Variants in SPAG17 observed in about 807,000 individuals in gnomAD.
SPAG17 encodes the protein sperm-associated antigen 17.
A neutral mutation model predicts 273.6 loss-of-function variants in SPAG17; 169 were observed. The observed-to-expected ratio is 0.62, with a 90% CI of 0.55 to 0.70. The LOEUF is 0.70. SPAG17 is among the 30% of genes least tolerant of loss of function. SPAG17 has a pLI of 0.00. For missense variants in SPAG17, 2,557 were observed against 2,627.8 expected, an observed-to-expected ratio of 0.97 and a Z score of 0.59; for synonymous variants, 825 against 873.2, an observed-to-expected ratio of 0.94 and a Z score of 0.97.
intron 43 of SPAG17, among the ~76,000 whole-genome samples, chr1:117,980,460 G>A (rs140014110): frequency 1.3e-4 from 20 of 152,228 alleles, no homozygotes; most frequent in Middle Eastern, 3.4e-3. Flanking sequence ...TTGCACTCCC[G>A]ACCTCAAGTG....
At chr1:118,181,160 T>C (rs1660921068) in intron 1 of SPAG17, among the ~76,000 whole-genome samples, 1 of 151,876 alleles carries the variant, frequency 6.6e-6, no homozygotes, top group African/African-American at 2.4e-5. Flanking sequence ...TGAAAAGGCA[T>C]TCTAAACATG....
chr1:118,164,163 A>G (rs2102377975), intron 1 of SPAG17, among the ~76,000 whole-genome samples: 1 of 152,296 alleles, frequency 6.6e-6, no homozygotes, highest in East Asian at 1.9e-4. Context: ...AACTACTCCC[A>G]TGCTATTGCC....
At chr1:117,984,576 A>G in intron 41 of SPAG17, 107 bp downstream of exon 41, 3 of 706,482 alleles carry the variant, frequency 4.2e-6, no homozygotes, top group East Asian at 2.8e-5. Flanking sequence ...AGGTCGATGC[A>G]GGAAAGAATT....
chr1:118,101,184 G>A (rs1447121569), intron 5 of SPAG17, among the ~76,000 whole-genome samples: 1 of 152,196 alleles, frequency 6.6e-6, no homozygotes, highest in Non-Finnish European at 1.5e-5. Flanking sequence ...GGAGGCTGAG[G>A]AGGGAGAGTC....
intron 20 of SPAG17, among the ~76,000 whole-genome samples, chr1:118,043,354 TAA>T (rs1649992067): frequency 6.6e-6 from 1 of 152,160 alleles, no homozygotes; most frequent in Non-Finnish European, 1.5e-5. Flanking sequence ...CACATTAACT[TAA>T]AAGAGATTAT....
At chr1:118,115,272 C>G (rs748784049) in intron 4 of SPAG17, 38 bp downstream of exon 4, 2 of 1,607,782 alleles carry the variant, frequency 1.2e-6, no homozygotes, top group Admixed American at 3.4e-5. Flanking sequence ...TCATTCACCA[C>G]TTGCCCTCTT....
Position 118,101,930 on chromosome 1 carries a change from G to A in SPAG17, c.448-4C>T, listed in dbSNP as rs760935038. ...ACTTAGGTTTGTCTTCTATTACCTG[G>A]AATGAGAGAACACTTTTTTCTCCAA... On this transcript the variant is annotated splice_polypyrimidine_tract_variant and splice_region_variant and intron_variant, in intron 4 of 48. Transcript: ENST00000336338. 1.8e-5 allele frequency: 29 copies of A among 1,606,432 alleles called. No homozygotes were observed. The highest frequency in any genetic ancestry group is 2.5e-5 in the Non-Finnish European group (29 of 1,177,464).
intron 23 of SPAG17, among the ~76,000 whole-genome samples, chr1:118,037,582 A>G (rs1429608657): frequency 6.6e-6 from 1 of 152,160 alleles, no homozygotes; most frequent in Non-Finnish European, 1.5e-5. Context: ...AAATCCACTT[A>G]TTAGTGAGAA....
intron 1 of SPAG17, among the ~76,000 whole-genome samples, chr1:118,152,222 C>T (rs1205107921): frequency 6.6e-6 from 1 of 152,104 alleles, no homozygotes; most frequent in Non-Finnish European, 1.5e-5. Context: ...CATGTGACCT[C>T]TCTGGGGCTT....
chr1:118,093,157 T>C lies in SPAG17; in HGVS notation c.1172A>G (p.Glu391Gly). The C allele has an allele frequency of 1.2e-6, 2 of 1,612,514 alleles. No homozygotes were observed. Among genetic ancestry groups the C allele is most frequent in the Non-Finnish European group, 1.7e-6 (2 of 1,179,288 alleles). The stretch of plus-strand genomic sequence containing the variant: ...TAAAGACATTGAGCCCATGCCTACC[T>C]CTGAAGTTGGCATGGCTTCTAATAC... ...KPVLEAMPTS[E>G]APQPAVPAPG... Residue 391 changes from glutamate (E) to glycine (G), a missense_variant and splice_region_variant, in exon 8 of 49, where the codon GAG (glutamate) becomes GGG (glycine). By Grantham distance (98) the Glu-to-Gly change is moderately conservative. Transcript: ENST00000336338.
At chr1:118,172,796 T>C (rs1412555270) in intron 1 of SPAG17, among the ~76,000 whole-genome samples, 2 of 152,188 alleles carry the variant, frequency 1.3e-5, no homozygotes, top group African/African-American at 4.8e-5. Context: ...TTTTTTCTTG[T>C]GTTGGCACAG....
intron 3 of SPAG17, among the ~76,000 whole-genome samples, chr1:118,148,268 G>A (rs901124217): frequency 9.2e-5 from 14 of 152,176 alleles, no homozygotes; most frequent in African/African-American, 3.1e-4. Flanking sequence ...TGACTTCAAA[G>A]AATGAAGCCA....
At chr1:118,067,948 TGCGGTGGTAGCTAC>T (rs1653145184) in intron 17 of SPAG17, among the ~76,000 whole-genome samples, 1 of 152,150 alleles carries the variant, frequency 6.6e-6, no homozygotes, top group South Asian at 2.1e-4. Context: ...CAGCATGCAC[TGCGGTGGTAGCTAC>T]CAGTAGAGAG....
At chr1:117,978,490 G>A in intron 43 of SPAG17, among the ~76,000 whole-genome samples, 1 of 152,044 alleles carries the variant, frequency 6.6e-6, no homozygotes. Context: ...CTCTGGCATG[G>A]AATTATCATC....
Position 118,091,831 on chromosome 1 carries a change from G to GT in SPAG17, c.1246+98dup, listed in dbSNP as rs1156374478. ...CTATGCACTAATAAATGCAGGAGCT[G>GT]TAGGTGAAGGGAGGCTGAAAGTAAT... On this transcript the variant is annotated intron_variant, in intron 9 of 48. Transcript: ENST00000336338. The GT allele has an allele frequency of 1.8e-5, 24 of 1,362,148 alleles. 1 individual carries two copies. The African/African-American group carries it at 3.4e-4, about 20-fold the overall frequency. 84.4% of individuals were successfully genotyped at this position (1,362,148 alleles called of 1,614,324 possible).
intron 3 of SPAG17, among the ~76,000 whole-genome samples, chr1:118,121,914 T>C (rs1288438480): frequency 6.6e-6 from 1 of 152,196 alleles, no homozygotes; most frequent in African/African-American, 2.4e-5. Context: ...CTGATGACTA[T>C]TTACCATTTC....
chr1:118,044,396 A>G (rs527289736), intron 20 of SPAG17, among the ~76,000 whole-genome samples: 1 of 152,010 alleles, frequency 6.6e-6, no homozygotes, highest in African/African-American at 2.4e-5. Flanking sequence ...GAGGCAGGAG[A>G]ATCACTTGAA....
At chr1:118,129,705 T>G (rs1657946930) in intron 3 of SPAG17, among the ~76,000 whole-genome samples, 2 of 150,782 alleles carry the variant, frequency 1.3e-5, no homozygotes, top group African/African-American at 2.4e-5. Context: ...CTTCCCTTCT[T>G]TCTTTCTTTT....
At chr1:118,129,786 C>A (rs1241917558) in intron 3 of SPAG17, among the ~76,000 whole-genome samples, 5 of 146,524 alleles carry the variant, frequency 3.4e-5, no homozygotes, top group Non-Finnish European at 6.0e-5. Context: ...CTTCTTCCTC[C>A]TCTTCTTTGT....
Sources: gnomAD v4.1 joint callset for allele counts (sites outside exome capture counted in the v4.1 genomes callset) on GRCh38, gnomAD v4.1.1 for gene constraint, MANE v1.5 for transcripts, NCBI Gene and HGNC (gene_info 2026-07-23, HGNC 2026-07-21) for gene names.